HELQ: variants seen among roughly 807,000 people sequenced by gnomAD.
HELQ encodes helicase POLQ-like.
A neutral mutation model predicts 111.6 loss-of-function variants in HELQ; 77 were observed. That is an observed-to-expected ratio of 0.69 (90% CI 0.57 to 0.83). The LOEUF (loss-of-function observed/expected upper bound fraction) is 0.83, where lower values mean the gene tolerates loss of function less well. HELQ is among the 40% of genes least tolerant of loss of function. The pLI is 0.00. For missense variants in HELQ, 1,200 were observed against 1,288.5 expected (o/e 0.93, Z 1.05); for synonymous variants, 438 against 454.7 (o/e 0.96, Z 0.47).
chr4:83,455,023 A>C (rs1237014015), intron 1 of HELQ, among the ~76,000 whole-genome samples: 1 of 152,238 alleles, frequency 6.6e-6, no homozygotes, highest in East Asian at 1.9e-4. Flanking sequence ...GATTTGGAGC[A>C]AGAACTGTAC....
rs781126771 is a variant in HELQ at position 83,407,448 on chromosome 4, T to C, written c.*5A>G. 7 of 1,565,936 alleles carry C rather than the reference T, an allele frequency of 4.5e-6. 1 individual carries two copies. In the South Asian group the frequency reaches 4.7e-5, roughly 11 times the overall value. Reference sequence around the variant, plus strand: ...TTCATATATGAAAATTCTCATCAGATAGCTTCATGCTTTGTCAGTGGAAGA... The same window carrying C: ...TTCATATATGAAAATTCTCATCAGACAGCTTCATGCTTTGTCAGTGGAAGA... On this transcript the variant is annotated 3_prime_UTR_variant, in exon 18 of 18. Transcript: ENST00000295488.
At position 83,455,600 on chromosome 4, in the gene HELQ, C is replaced by A. The variant is rs1378934264; in HGVS notation, c.94G>T (p.Ala32Ser). 1 of 1,614,024 alleles carries A rather than the reference C, an allele frequency of 6.2e-7. No individual in the cohort carries two copies. Among genetic ancestry groups the A allele is most frequent in the Admixed American group, 1.7e-5 (1 of 60,008 alleles). ...LGCIFGAPTA[A>S]ELVPGDEGKE... ...CCCTCATCTCCGGGCACGAGCTCGGCCGCGGTGGGAGCGCCAAAAATACAC... is the reference window on the plus strand; with the variant it reads ...CCCTCATCTCCGGGCACGAGCTCGGACGCGGTGGGAGCGCCAAAAATACAC... The change falls in exon 1 of 18, where the codon GCC becomes TCC. Residue 32 changes from alanine (A) to serine (S), a missense_variant. Coordinates refer to ENST00000295488, the MANE Select transcript of HELQ (RefSeq NM_133636.5).
chr4:83,419,435 T>G (rs1739544130), intron 15 of HELQ, among the ~76,000 whole-genome samples: 1 of 148,820 alleles, frequency 6.7e-6, no homozygotes, highest in African/African-American at 2.4e-5. Flanking sequence ...TTTGAAAAAT[T>G]ATATACATGT....
At chr4:83,411,181 AGTCAAGCAACATAGAGATT>A (rs1739074636) in intron 17 of HELQ, among the ~76,000 whole-genome samples, 1 of 150,080 alleles carries the variant, frequency 6.7e-6, no homozygotes, top group Non-Finnish European at 1.5e-5. Flanking sequence ...AAAAAAAGAA[AGTCAAGCAACATAGAGATT>A]ATAAATAGAC....
At chr4:83,424,240 A>G (rs1418328330) in intron 14 of HELQ, among the ~76,000 whole-genome samples, 1 of 152,154 alleles carries the variant, frequency 6.6e-6, no homozygotes, top group African/African-American at 2.4e-5. Context: ...CATGTTTATT[A>G]TTATTTGATA....
intron 13 of HELQ, among the ~76,000 whole-genome samples, chr4:83,427,166 T>A (rs1719891968): frequency 1.3e-5 from 2 of 152,324 alleles, no homozygotes; most frequent in African/African-American, 2.4e-5. Flanking sequence ...GGACCACGGA[T>A]AATCTTTTTT....
intron 13 of HELQ, 37 bp from the exon 14 acceptor site, chr4:83,426,129 A>C: frequency 9.2e-7 from 1 of 1,090,990 alleles, no homozygotes; most frequent in Non-Finnish European, 1.4e-6. Flanking sequence ...GAAACATCAA[A>C]AAATCTGTCA....
intron 5 of HELQ, 27 bp downstream of exon 5, chr4:83,445,987 C>T (rs1278121900): frequency 7.1e-7 from 1 of 1,413,528 alleles, no homozygotes; most frequent in South Asian, 1.2e-5. Flanking sequence ...TAAATCAATT[C>T]ATGACCTCAT....
intron 7 of HELQ, among the ~76,000 whole-genome samples, 160 bp downstream of exon 7, chr4:83,441,145 G>A (rs1720734986): frequency 6.6e-6 from 1 of 152,164 alleles, no homozygotes; most frequent in Non-Finnish European, 1.5e-5. Flanking sequence ...AACTGGAAAC[G>A]AGCTATCTTG....
intron 17 of HELQ, among the ~76,000 whole-genome samples, chr4:83,408,250 C>T (rs562677402): frequency 6.6e-6 from 1 of 152,082 alleles, no homozygotes; most frequent in Non-Finnish European, 1.5e-5. Flanking sequence ...CGCTCCCCCC[C>T]ACCCGCCTTT....
At chr4:83,409,107 C>T (rs1291380004) in intron 17 of HELQ, among the ~76,000 whole-genome samples, 2 of 152,078 alleles carry the variant, frequency 1.3e-5, no homozygotes, top group Admixed American at 6.6e-5. Flanking sequence ...TCCTCTCCCA[C>T]CCCAAGTCAT....
chr4:83,416,786 C>T lies in HELQ; in HGVS notation c.3143G>A (p.Arg1048Lys), dbSNP rs564635439. The T allele has an allele frequency of 2.5e-5, 40 of 1,613,840 alleles. 1 individual carries two copies. The South Asian group carries it at 4.0e-4, about 16-fold the overall frequency. ...LANANPEVLV[R>K]TIDHLSRRQA... ...GCGTCTTGATAAATGATCAATTGTC[C>T]TTACGAGCACTTCAGGATTTGCATT... The change falls in exon 17 of 18, where the codon AGG becomes AAG. Residue 1048 changes from arginine to lysine, a missense_variant. By Grantham distance (26) the Arg-to-Lys change is conservative. This residue lies in a region of HELQ where 585 missense variants were observed against 665.3 expected (regional missense o/e 0.88). Transcript: ENST00000295488.
chr4:83,445,158 G>C (rs1291651104), intron 5 of HELQ, among the ~76,000 whole-genome samples: 1 of 152,200 alleles, frequency 6.6e-6, no homozygotes, highest in Non-Finnish European at 1.5e-5. Flanking sequence ...CTGAAGAACG[G>C]CTTTGAAGGA....
chr4:83,440,965 G>A (rs1384778775), intron 7 of HELQ, among the ~76,000 whole-genome samples: 2 of 152,180 alleles, frequency 1.3e-5, no homozygotes, highest in African/African-American at 2.4e-5. Context: ...CTAATGGGAT[G>A]TGTGCACAAC....
chr4:83,437,603 TAA>T lies in HELQ; in HGVS notation c.1809-508_1809-507del, dbSNP rs11337269. ...CTGGGTGAAAGAGCAAAGCCTTGTCTAAAAAAAAAAAAAAAAAAAAGGAAAAA... is the reference window on the plus strand; with the variant it reads ...CTGGGTGAAAGAGCAAAGCCTTGTCTAAAAAAAAAAAAAAAAAAGGAAAAA... On this transcript the variant is annotated intron_variant, in intron 8 of 17. Coordinates refer to ENST00000295488, the MANE Select transcript of HELQ (RefSeq NM_133636.5). Among the ~76,000 whole-genome samples the T allele has an allele frequency of 9.5e-4, 93 of 97,844 alleles. 1 individual carries two copies. Among genetic ancestry groups the T allele is most frequent in the African/African-American group, 2.3e-3 (67 of 28,718 alleles). The allele number at this position is 97,844 out of a possible 152,430, so 64.2% of individuals were successfully genotyped here.
chr4:83,408,497 T>G (rs1461840555), intron 17 of HELQ, among the ~76,000 whole-genome samples: 1 of 151,634 alleles, frequency 6.6e-6, no homozygotes, highest in East Asian at 1.9e-4. Flanking sequence ...ATCATCTGCC[T>G]GCCTCAGCCT....
intron 5 of HELQ, among the ~76,000 whole-genome samples, chr4:83,445,139 G>A (rs1298701924): frequency 6.6e-6 from 1 of 152,196 alleles, no homozygotes; most frequent in Non-Finnish European, 1.5e-5. Context: ...TGGTGGCTGA[G>A]AATTCAGGCT....
chr4:83,437,765 T>C (rs1720542653), intron 8 of HELQ, among the ~76,000 whole-genome samples: 1 of 152,278 alleles, frequency 6.6e-6, no homozygotes, highest in South Asian at 2.1e-4. Flanking sequence ...TTATAACTGT[T>C]TTTTTCTTTA....
intron 13 of HELQ, among the ~76,000 whole-genome samples, chr4:83,426,522 T>TA (rs964734315): frequency 6.6e-6 from 1 of 151,582 alleles, no homozygotes; most frequent in Non-Finnish European, 1.5e-5. Flanking sequence ...TTCCTGTGAT[T>TA]AAAAGATGTA....
Sources: allele counts gnomAD v4.1 joint callset (sites outside exome capture counted in the v4.1 genomes callset), GRCh38; gene constraint gnomAD v4.1.1; regional missense constraint gnomAD v4.1.1; transcripts MANE v1.5; gene names NCBI Gene and HGNC (gene_info 2026-07-23, HGNC 2026-07-21).